The following SCN7A variants were observed in gnomAD, a reference collection of about 807,000 sequenced individuals.
SCN7A encodes the protein sodium channel protein type 7 subunit alpha.
SCN7A carries 138 observed loss-of-function variants against 155.2 expected under a neutral mutation model. The observed-to-expected ratio is 0.89, with a 90% CI of 0.77 to 1.02. The LOEUF is 1.02. Among genes scored for constraint, SCN7A ranks in the 50% least tolerant of loss-of-function variants. The pLI is 0.00. For missense variants in SCN7A, 2,058 were observed against 1,986.6 expected, an observed-to-expected ratio of 1.04 and a Z score of -0.68; for synonymous variants, 693 against 649.0, an observed-to-expected ratio of 1.07 and a Z score of -1.03.
chr2:166,457,097 A>G (rs1702301917), intron 10 of SCN7A, 21 bp from the exon 11 acceptor site: 3 of 1,500,582 alleles, frequency 2.0e-6, no homozygotes, highest in South Asian at 1.2e-5. Context: ...GTAGAAAGTA[A>G]GGCAAAAGAG....
In SCN7A at chr2:166,405,824, CCT is replaced by C. The variant is rs759394259; in HGVS notation, c.4803_4804del (p.Gly1602ValfsTer8). The stretch of plus-strand genomic sequence containing the variant: ...CTTAAAAGGGTTGGCTAACAAAAAC[CCT>C]GATTCTATTTCTGAAACAACTTTCT... On this transcript the variant is annotated frameshift_variant, in exon 26 of 26. Transcript: ENST00000643258. LOFTEE classifies it low-confidence loss of function (END_TRUNC). 1.5e-5 allele frequency: 25 copies of C among 1,612,910 alleles called. No individual in the cohort carries two copies. In the African/African-American group the frequency reaches 2.5e-4, roughly 16 times the overall value.
intron 10 of SCN7A, among the ~76,000 whole-genome samples, chr2:166,458,466 A>C (rs1702333414): frequency 6.6e-6 from 1 of 152,172 alleles, no homozygotes; most frequent in Non-Finnish European, 1.5e-5. Context: ...TCTATATTGA[A>C]CATATAGACT....
intron 7 of SCN7A, among the ~76,000 whole-genome samples, chr2:166,469,822 G>C (rs1335727181): frequency 2.6e-5 from 4 of 151,864 alleles, no homozygotes; most frequent in Non-Finnish European, 5.9e-5. Context: ...CAGCTTTACT[G>C]AGATATAATT....
At chr2:166,487,065 T>C (rs1340523095) in intron 1 of SCN7A, 97 bp from the exon 2 acceptor site, 3 of 152,242 alleles carry the variant, frequency 2.0e-5, no homozygotes, top group Non-Finnish European at 1.5e-5. Flanking sequence ...ATAACAACTT[T>C]CTTTTTTCTT....
In SCN7A at chr2:166,405,773, G is replaced by A. The variant is rs1464693731; in HGVS notation, c.4856C>T (p.Thr1619Ile). 3.7e-6 allele frequency: 6 copies of A among 1,612,886 alleles called. No homozygotes were observed. In the African/African-American group the frequency reaches 6.7e-5, roughly 18 times the overall value. ...FKITCEPITT[T>I]LKRKQEAVSA... ...AACTGCCTCTTGTTTTCGTTTCAAA[G>A]TAGTCGTAATTGGCTCACATGTGAT... Residue 1619 changes from threonine to isoleucine, a missense_variant, in exon 26 of 26, where the codon ACT becomes ATT. Coordinates refer to ENST00000643258, the MANE Select transcript of SCN7A (RefSeq NM_002976.4).
rs71031250 is a variant in SCN7A, at chr2:166,475,122, A to ATATATACGTATATATATATATATACG, written c.235-779_235-778insCGTATATATATATATATACGTATATA. On this transcript the variant is annotated intron_variant, in intron 3 of 25. Coordinates refer to ENST00000643258, the MANE Select transcript of SCN7A (RefSeq NM_002976.4). ...TATATATGTATATATATATATATAC[A>ATATATACGTATATATATATATATACG]TATATATATATATATACACACACAC... Among the ~76,000 whole-genome samples the ATATATACGTATATATATATATATACG allele has an allele frequency of 2.5e-3, 236 of 93,842 alleles. 4 individuals carry two copies. The highest frequency in any genetic ancestry group is 3.8e-3 in the Non-Finnish European group (173 of 45,218). The allele number at this position is 93,842 out of a possible 152,430, so 61.6% of individuals were successfully genotyped here. A position where few individuals can be genotyped will look rare whatever the true frequency, so the allele number is the denominator to read the frequency against.
chr2:166,433,605 A>G (rs1459781065), intron 15 of SCN7A, among the ~76,000 whole-genome samples: 1 of 152,080 alleles, frequency 6.6e-6, no homozygotes, highest in Non-Finnish European at 1.5e-5. Context: ...TCCAAAGCTT[A>G]TTTTCTCACT....
rs571737225 is a variant in SCN7A, at chr2:166,427,308, A to G, written c.2853+480T>C. ...CAGATATTTGTAGAATATTTTTAGAATTAAGATTCTGAGCGCAGAGTTAAG... is the reference window on the plus strand; with the variant it reads ...CAGATATTTGTAGAATATTTTTAGAGTTAAGATTCTGAGCGCAGAGTTAAG... On this transcript the variant is annotated intron_variant, in intron 18 of 25. Transcript: ENST00000643258. Among the ~76,000 whole-genome samples the G allele has an allele frequency of 3.3e-5, 5 of 152,196 alleles. No individual in the cohort carries two copies. The South Asian group carries it at 1.0e-3, about 32-fold the overall frequency.
At chr2:166,414,390 ATT>A (rs1180491872) in intron 21 of SCN7A, 2 of 131,250 alleles carry the variant, frequency 1.5e-5, no homozygotes, top group Non-Finnish European at 3.1e-5. Context: ...AGCCCAAACT[ATT>A]TTTACCACCA....
chr2:166,490,716 C>G (rs947718545), intron 1 of SCN7A, among the ~76,000 whole-genome samples: 8 of 152,116 alleles, frequency 5.3e-5, no homozygotes, highest in African/African-American at 1.9e-4. Context: ...TACTGAAACC[C>G]TGGAGGCTTC....
At chr2:166,479,029 CTT>C in intron 2 of SCN7A, among the ~76,000 whole-genome samples, 2 of 152,104 alleles carry the variant, frequency 1.3e-5, no homozygotes, top group East Asian at 3.9e-4. Flanking sequence ...TCTAAACACT[CTT>C]TGTAATTTTA....
Position 166,473,779 on chromosome 2 carries a change from A to G in SCN7A, c.443+20T>C, listed in dbSNP as rs1702712791. The G allele has an allele frequency of 1.1e-6, 1 of 871,140 alleles. No individual in the cohort carries two copies. Among genetic ancestry groups the G allele is most frequent in the Non-Finnish European group, 1.6e-6 (1 of 614,234 alleles). The allele number at this position is 871,140 out of a possible 1,614,324, so 54.0% of individuals were successfully genotyped here. On this transcript the variant is annotated intron_variant, in intron 5 of 25. Transcript: ENST00000643258. ...TACAATTATATATGATATTATGTATAAAATAATTATATAACATACTCTAAT... is the reference window on the plus strand; with the variant it reads ...TACAATTATATATGATATTATGTATGAAATAATTATATAACATACTCTAAT...
At chr2:166,471,641 G>A (rs1702656263) in intron 6 of SCN7A, among the ~76,000 whole-genome samples, 1 of 148,896 alleles carries the variant, frequency 6.7e-6, no homozygotes, top group Non-Finnish European at 1.5e-5. Context: ...GATTTCCATA[G>A]CTAGAAAACA....
rs1170386444 is a variant in SCN7A at position 166,414,056 on chromosome 2, A to AT, written c.3415-936dup. Among the ~76,000 whole-genome samples, 150 of 85,816 alleles carry AT rather than the reference A, an allele frequency of 1.7e-3. 13 individuals carry two copies. Among genetic ancestry groups the AT allele is most frequent in the East Asian group, 0.017 (61 of 3,662 alleles). The allele number at this position is 85,816 out of a possible 152,430, so 56.3% of individuals were successfully genotyped here. A position where few individuals can be genotyped will look rare whatever the true frequency, so the allele number is the denominator to read the frequency against. Reference sequence around the variant, plus strand: ...TAAATATATTTATATATGTAAATATATAAAAATATATTATATATGTAAATA... The same window carrying AT: ...TAAATATATTTATATATGTAAATATATTAAAAATATATTATATATGTAAATA... On this transcript the variant is annotated intron_variant, in intron 21 of 25. Coordinates refer to ENST00000643258, the MANE Select transcript of SCN7A (RefSeq NM_002976.4).
intron 2 of SCN7A, among the ~76,000 whole-genome samples, chr2:166,485,359 A>G (rs1221230541): frequency 6.6e-6 from 1 of 152,176 alleles, no homozygotes; most frequent in Non-Finnish European, 1.5e-5. Flanking sequence ...ACAGTCTAAG[A>G]CATTAAGCTT....
chr2:166,456,111 A>G (rs1401601408), intron 11 of SCN7A, among the ~76,000 whole-genome samples: 1 of 152,196 alleles, frequency 6.6e-6, no homozygotes, highest in Non-Finnish European at 1.5e-5. Flanking sequence ...ACAGGAAAAG[A>G]AGACCAAACA....
At chr2:166,428,769 T>C (rs1181898631) in intron 17 of SCN7A, among the ~76,000 whole-genome samples, 1 of 152,082 alleles carries the variant, frequency 6.6e-6, no homozygotes, top group African/African-American at 2.4e-5. Flanking sequence ...TAAAGATACA[T>C]AATGTTCATA....
At chr2:166,463,557 C>T (rs1702459270) in intron 9 of SCN7A, among the ~76,000 whole-genome samples, 1 of 152,156 alleles carries the variant, frequency 6.6e-6, no homozygotes, top group African/African-American at 2.4e-5. Flanking sequence ...CTCTTCTTGC[C>T]TTGAAATATA....
intron 12 of SCN7A, among the ~76,000 whole-genome samples, chr2:166,446,340 G>T (rs1702062012): frequency 6.6e-6 from 1 of 152,166 alleles, no homozygotes; most frequent in Non-Finnish European, 1.5e-5. Context: ...ACGCCTGTTA[G>T]AATTGTGCTC....
Sources: gnomAD v4.1 joint callset for allele counts (sites outside exome capture counted in the v4.1 genomes callset) on GRCh38, gnomAD v4.1.1 for gene constraint, MANE v1.5 for transcripts, NCBI Gene and HGNC (gene_info 2026-07-23, HGNC 2026-07-21) for gene names.